PTPRB: variants seen among roughly 807,000 people sequenced by gnomAD.
PTPRB encodes the protein protein tyrosine phosphatase receptor type B, also known as receptor-type tyrosine-protein phosphatase beta.
Under a neutral mutation model 238.1 loss-of-function variants are expected in PTPRB, and 97 were observed. The observed-to-expected ratio is 0.41, with a 90% CI of 0.35 to 0.48. The LOEUF (loss-of-function observed/expected upper bound fraction) is 0.48. Ranked by LOEUF, PTPRB falls within the 20% of genes least tolerant of loss-of-function variation. The pLI, the probability that PTPRB is intolerant of heterozygous loss-of-function variation, is 0.30. For missense variants in PTPRB, 2,292 were observed against 2,681.9 expected (o/e 0.85, Z 3.21); for synonymous variants, 970 against 995.4 (o/e 0.97, Z 0.48).
chr12:70,531,681 G>A (rs1005527310), intron 32 of PTPRB, among the ~76,000 whole-genome samples: 1 of 152,172 alleles, frequency 6.6e-6, no homozygotes, highest in African/African-American at 2.4e-5. Flanking sequence ...ACAAATGGAA[G>A]CACGTGGTCT....
chr12:70,634,896 A>C (rs1885614061), intron 2 of PTPRB, among the ~76,000 whole-genome samples: 1 of 152,182 alleles, frequency 6.6e-6, no homozygotes, highest in South Asian at 2.1e-4. Flanking sequence ...TGACTTTCTA[A>C]AGCAAACCTC....
rs111559153 is a variant in PTPRB at position 70,528,629 on chromosome 12, G to T, written c.6504+3406C>A. ...GAGTCTAGCCTGGTGAACATAGTGA[G>T]ATCTTATCTCCCCACGTAAATAAAC... On this transcript the variant is annotated intron_variant, in intron 32 of 33. Coordinates refer to ENST00000334414, the MANE Select transcript of PTPRB (RefSeq NM_001109754.4). 7.7e-3 allele frequency among the ~76,000 whole-genome samples: 1,173 copies of T among 152,242 alleles called. 11 individuals carry two copies. The highest frequency in any genetic ancestry group is 0.012 in the Non-Finnish European group (837 of 68,024).
chr12:70,556,837 C>CA (rs368502786), intron 18 of PTPRB, among the ~76,000 whole-genome samples: 159 of 152,238 alleles, frequency 1.0e-3, no homozygotes, highest in African/African-American at 3.6e-3. Context: ...GCCATGCAAA[C>CA]AAAAAGAGAG....
rs1405097806 is a variant in PTPRB, at chr12:70,571,218, C to T, written c.3178G>A (p.Ala1060Thr). ...TEDLHVTWSG[A>T]NGDVDQYEIQ... Reference sequence around the variant, plus strand: ...TCATATTGGTCGACATCCCCATTAGCTCCTGACCAAGTCACATGCAAGTCC... The same window carrying T: ...TCATATTGGTCGACATCCCCATTAGTTCCTGACCAAGTCACATGCAAGTCC... The change falls in exon 13 of 34, where the codon GCT becomes ACT. Residue 1060 changes from alanine (A) to threonine (T), a missense_variant. Around this residue, in one of 4 missense-constraint regions of PTPRB, gnomAD observed 1,205 missense variants for 1,287.8 expected, o/e 0.94. Coordinates refer to ENST00000334414, the MANE Select transcript of PTPRB (RefSeq NM_001109754.4). 2 of 1,613,422 alleles carry T rather than the reference C, an allele frequency of 1.2e-6. No homozygotes were observed. The highest frequency in any genetic ancestry group is 1.7e-5 in the Admixed American group (1 of 59,998).
At chr12:70,536,922 T>TCTC (rs1387796553) in intron 28 of PTPRB, among the ~76,000 whole-genome samples, 1 of 152,212 alleles carries the variant, frequency 6.6e-6, no homozygotes, top group African/African-American at 2.4e-5. Flanking sequence ...CCCATGGCAA[T>TCTC]CTCTAGCCTC....
At chr12:70,540,588 C>T (rs1394221216) in intron 23 of PTPRB, 2 of 357,468 alleles carry the variant, frequency 5.6e-6, no homozygotes, top group East Asian at 1.1e-4. Flanking sequence ...ATATTTTTTT[C>T]CTGTGCAAAA....
chr12:70,616,868 C>A (rs964499014), intron 3 of PTPRB, among the ~76,000 whole-genome samples: 6 of 151,968 alleles, frequency 3.9e-5, no homozygotes, highest in African/African-American at 1.4e-4. Flanking sequence ...ATACAGTCAT[C>A]CCTCAGTATG....
At chr12:70,567,851 C>T (rs74613561) in intron 14 of PTPRB, among the ~76,000 whole-genome samples, 1 of 152,108 alleles carries the variant, frequency 6.6e-6, no homozygotes, top group African/African-American at 2.4e-5. Flanking sequence ...TTCTAGTATA[C>T]TTTTGCTTTT....
intron 3 of PTPRB, among the ~76,000 whole-genome samples, chr12:70,613,385 G>A (rs888636466): frequency 1.3e-5 from 2 of 151,994 alleles, no homozygotes; most frequent in Non-Finnish European, 2.9e-5. Context: ...CCAGGCTCTG[G>A]TATAGGTTTT....
rs1445168837 is a variant in PTPRB at position 70,571,842 on chromosome 12, G to T, written c.3088C>A (p.Gln1030Lys). 45 of 1,613,182 alleles carry T rather than the reference G, an allele frequency of 2.8e-5. No homozygotes were observed. The highest frequency in any genetic ancestry group is 3.8e-5 in the Non-Finnish European group (45 of 1,179,466). The part of the protein sequence containing the change: ...TKSGQYEANE[Q>K]GNGRTIPEPV... Reference sequence around the variant, plus strand: ...CACTTACTTGTTCTCCCATTCCCTTGTTCATTGGCTTCATATTGTCCACTT... The same window carrying T: ...CACTTACTTGTTCTCCCATTCCCTTTTTCATTGGCTTCATATTGTCCACTT... Residue 1030 changes from glutamine (Q) to lysine (K), a missense_variant, in exon 12 of 34, where the codon CAA (glutamine) becomes AAA (lysine). This residue lies in a region of PTPRB where 1,205 missense variants were observed against 1,287.8 expected (regional missense o/e 0.94). Coordinates refer to ENST00000334414, the MANE Select transcript of PTPRB (RefSeq NM_001109754.4).
Position 70,520,410 on chromosome 12 carries a change from T to C in PTPRB, c.*1079A>G. 8.5e-6 allele frequency: 2 copies of C among 234,974 alleles called. No homozygotes were observed. The highest frequency in any genetic ancestry group is 8.9e-5 in the South Asian group (2 of 22,584). The allele number at this position is 234,974 out of a possible 1,614,324, so 14.6% of individuals were successfully genotyped here. On this transcript the variant is annotated 3_prime_UTR_variant, in exon 34 of 34. Coordinates refer to ENST00000334414, the MANE Select transcript of PTPRB (RefSeq NM_001109754.4). ...TTTTGAAAATTTTACTGAAGACCACTGTTTTTGTTTTTGCTATTGTTTTTA... is the reference window on the plus strand; with the variant it reads ...TTTTGAAAATTTTACTGAAGACCACCGTTTTTGTTTTTGCTATTGTTTTTA...
At position 70,581,254 on chromosome 12, in the gene PTPRB, C is replaced by T. The variant is rs1881359302; in HGVS notation, c.2360G>A (p.Ser787Asn). 3 of 1,613,950 alleles carry T rather than the reference C, an allele frequency of 1.9e-6. No individual in the cohort carries two copies. Among genetic ancestry groups the T allele is most frequent in the Non-Finnish European group, 1.7e-6 (2 of 1,179,868 alleles). The change falls in exon 10 of 34, where the codon AGT becomes AAT. Residue 787 changes from serine (S) to asparagine (N), a missense_variant. This residue lies in a region of PTPRB where 1,205 missense variants were observed against 1,287.8 expected (regional missense o/e 0.94). Coordinates refer to ENST00000334414, the MANE Select transcript of PTPRB (RefSeq NM_001109754.4). ...CTGGGTCCAGTTAGTAAACAGACTA[C>T]TGGTCATTCCTTGGTTGGCCACATG... ...DLHVANQGMT[S>N]SLFTNWTQAQ...
chr12:70,567,990 T>C (rs1879527369), intron 14 of PTPRB, among the ~76,000 whole-genome samples: 1 of 152,024 alleles, frequency 6.6e-6, no homozygotes, highest in African/African-American at 2.4e-5. Flanking sequence ...GTGCCCGGCC[T>C]TTATTCTAGT....
intron 9 of PTPRB, among the ~76,000 whole-genome samples, chr12:70,585,716 A>G (rs1453074152): frequency 6.6e-6 from 1 of 152,110 alleles, no homozygotes; most frequent in Non-Finnish European, 1.5e-5. Flanking sequence ...TTACATAGGT[A>G]TACATGTGCC....
intron 20 of PTPRB, 30 bp from the exon 21 acceptor site, chr12:70,553,050 G>A: frequency 6.3e-7 from 1 of 1,594,548 alleles, no homozygotes; most frequent in Non-Finnish European, 8.6e-7. Context: ...GTTAAGGACT[G>A]CCTTTCTTGT....
rs551455159 is a variant in PTPRB, at chr12:70,565,328, T to C, written c.3904+1107A>G. Among the ~76,000 whole-genome samples, 46 of 152,330 alleles carry C rather than the reference T, an allele frequency of 3.0e-4. 1 individual carries two copies. The highest frequency in any genetic ancestry group is 6.8e-3 in the Middle Eastern group (2 of 294). On this transcript the variant is annotated intron_variant, in intron 15 of 33. Transcript: ENST00000334414. ...TTTGGCTCCAATCTGGCTTTCAGTC[T>C]CACCTTTCCATCATGCAACACACAT...
chr12:70,538,300 G>T, intron 27 of PTPRB, 69 bp from the exon 28 acceptor site: 1 of 1,333,162 alleles, frequency 7.5e-7, no homozygotes, highest in Non-Finnish European at 1.1e-6. Flanking sequence ...TGTGTGATGT[G>T]CCTTAGCTCT....
Position 70,566,493 on chromosome 12 carries a change from C to G in PTPRB, c.3846G>C (p.Gln1282His). ...DLTPGKKYKIQILTVSGGLFS... is the reference protein window; with the variant it reads ...DLTPGKKYKIHILTVSGGLFS... ...AGAGGCCTCCACTGACAGTTAGGAT[C>G]TGTATCTTGTATTTCTTGCCTGGTG... The change falls in exon 15 of 34, where the codon CAG becomes CAC. Residue 1282 changes from glutamine to histidine, a missense_variant. Transcript: ENST00000334414. 6.2e-7 allele frequency: 1 copy of G among 1,614,024 alleles called. No individual in the cohort carries two copies.
At chr12:70,547,530 T>C (rs35900496) in intron 21 of PTPRB, among the ~76,000 whole-genome samples, 4,200 of 148,568 alleles carry the variant, frequency 0.028, 82 homozygotes, top group South Asian at 0.066. Context: ...TCCTTTTTTT[T>C]TTTTTTTTTT....
Sources: gnomAD v4.1 joint callset for allele counts (sites outside exome capture counted in the v4.1 genomes callset) on GRCh38, gnomAD v4.1.1 for gene constraint, gnomAD v4.1.1 regional missense constraint, MANE v1.5 for transcripts, NCBI Gene and HGNC (gene_info 2026-07-23, HGNC 2026-07-21) for gene names.